PSD3: variants seen among roughly 807,000 people sequenced by gnomAD.
PSD3 encodes pleckstrin and Sec7 domain containing 3.
A neutral mutation model predicts 105.5 loss-of-function variants in PSD3; 49 were observed. The ratio of observed to expected loss-of-function variants is 0.46; its 90% confidence interval spans 0.37 to 0.59. The LOEUF (loss-of-function observed/expected upper bound fraction) is 0.59, where lower values mean the gene tolerates loss of function less well. Among genes scored for constraint, PSD3 ranks in the 20% least tolerant of loss-of-function variants. PSD3 has a pLI of 0.00. For synonymous variants in PSD3, 557 were observed against 457.8 expected, an observed-to-expected ratio of 1.22 and a Z score of -2.77; for missense variants, 1,561 against 1,263.8, an observed-to-expected ratio of 1.24 and a Z score of -3.57.
At chr8:18,990,468 T>C (rs144939775) in intron 1 of PSD3, among the ~76,000 whole-genome samples, 164 of 152,370 alleles carry the variant, frequency 1.1e-3, no homozygotes, top group African/African-American at 3.6e-3. Context: ...ATATGCTTCC[T>C]CTGGCCAGCG....
chr8:18,826,627 A>C (rs1813206924), intron 4 of PSD3, among the ~76,000 whole-genome samples: 1 of 152,222 alleles, frequency 6.6e-6, no homozygotes, highest in South Asian at 2.1e-4. Context: ...CTGATTTTGG[A>C]ACATCTACTG....
intron 1 of PSD3, among the ~76,000 whole-genome samples, chr8:18,950,107 A>G (rs1176361763): frequency 6.6e-6 from 1 of 152,136 alleles, no homozygotes; most frequent in Non-Finnish European, 1.5e-5. Flanking sequence ...CTTTGTCACG[A>G]TACTCATACT....
chr8:19,035,584 G>T (rs1001218563), intron 1 of PSD3, among the ~76,000 whole-genome samples: 17 of 151,832 alleles, frequency 1.1e-4, no homozygotes, highest in African/African-American at 3.4e-4. Context: ...TTCTTGTTAT[G>T]TTGATCAGGC....
At chr8:18,665,695 G>C (rs564275431) in intron 9 of PSD3, among the ~76,000 whole-genome samples, 1 of 152,166 alleles carries the variant, frequency 6.6e-6, no homozygotes, top group Admixed American at 6.5e-5. Context: ...TCATGAAAGA[G>C]TCTACAGCTG....
chr8:18,637,797 T>A (rs969264390), intron 10 of PSD3, among the ~76,000 whole-genome samples: 1 of 152,192 alleles, frequency 6.6e-6, no homozygotes, highest in African/African-American at 2.4e-5. Flanking sequence ...CAGTCTCTCA[T>A]AGATCAGAAT....
intron 8 of PSD3, among the ~76,000 whole-genome samples, chr8:18,797,774 A>C (rs1810316307): frequency 6.6e-6 from 1 of 152,202 alleles, no homozygotes; most frequent in Non-Finnish European, 1.5e-5. Context: ...TTGCAATATT[A>C]CTGAATTTTT....
intron 8 of PSD3, among the ~76,000 whole-genome samples, chr8:18,780,031 C>G (rs1219643831): frequency 6.6e-6 from 1 of 152,132 alleles, no homozygotes; most frequent in East Asian, 1.9e-4. Context: ...TTGAAGACAC[C>G]TAATCTGATT....
intron 10 of PSD3, among the ~76,000 whole-genome samples, chr8:18,641,629 G>A (rs1807649066): frequency 6.6e-6 from 1 of 152,142 alleles, no homozygotes; most frequent in Admixed American, 6.5e-5. Flanking sequence ...ACAAACATTG[G>A]TGTAGCATAA....
In PSD3 at chr8:18,907,371, G is replaced by A. The variant is rs767460717; in HGVS notation, c.130+28663C>T. On this transcript the variant is annotated intron_variant, in intron 2 of 15. Transcript: ENST00000327040. ...TTTATTTTGTAGAGATGGGGGTCTC[G>A]CTGTGTTGCCCAGGCTGGTCTTTGA... 2.6e-5 allele frequency among the ~76,000 whole-genome samples: 4 copies of A among 151,978 alleles called. 1 individual carries two copies. Among genetic ancestry groups the A allele is most frequent in the African/African-American group, 9.7e-5 (4 of 41,370 alleles).
chr8:18,733,385 T>C (rs779062033), intron 9 of PSD3: 3 of 152,456 alleles, frequency 2.0e-5, no homozygotes, highest in Admixed American at 6.5e-5. Flanking sequence ...GGTAATATAG[T>C]AGATCCTGTG....
chr8:18,818,940 C>T (rs1188226347), intron 4 of PSD3, among the ~76,000 whole-genome samples: 1 of 152,068 alleles, frequency 6.6e-6, no homozygotes, highest in Non-Finnish European at 1.5e-5. Context: ...GGTAAACAAG[C>T]AGAATTCAGG....
chr8:18,539,877 A>T (rs1028040596), intron 15 of PSD3, among the ~76,000 whole-genome samples: 11 of 152,164 alleles, frequency 7.2e-5, no homozygotes, highest in African/African-American at 2.7e-4. Flanking sequence ...TTGACACACC[A>T]GCTCAGAGAC....
At chr8:18,610,339 T>TG (rs1008568809) in intron 11 of PSD3, among the ~76,000 whole-genome samples, 3 of 152,148 alleles carry the variant, frequency 2.0e-5, no homozygotes, top group African/African-American at 7.2e-5. Flanking sequence ...CCAATCCCAG[T>TG]GGTTGTACTT....
intron 2 of PSD3, among the ~76,000 whole-genome samples, chr8:18,914,928 T>A (rs1314853025): frequency 1.3e-5 from 2 of 152,128 alleles, no homozygotes; most frequent in Non-Finnish European, 2.9e-5. Context: ...GCTGGAGGCA[T>A]CACGTTACTT....
At chr8:18,738,038 C>A (rs1467150435) in intron 9 of PSD3, among the ~76,000 whole-genome samples, 1 of 152,096 alleles carries the variant, frequency 6.6e-6, no homozygotes, top group Non-Finnish European at 1.5e-5. Flanking sequence ...AAGTCTTAAT[C>A]AGTGTGAAAT....
At chr8:19,006,753 C>T (rs1826700341) in intron 1 of PSD3, among the ~76,000 whole-genome samples, 2 of 152,060 alleles carry the variant, frequency 1.3e-5, no homozygotes, top group Non-Finnish European at 1.5e-5. Context: ...CAGCACAATC[C>T]TTGCCAATAC....
chr8:18,560,884 T>C (rs530402323), intron 14 of PSD3, among the ~76,000 whole-genome samples: 139 of 152,320 alleles, frequency 9.1e-4, no homozygotes, highest in Non-Finnish European at 1.1e-3. Context: ...TGGAAAGTGA[T>C]TGAGTCCCTC....
intron 11 of PSD3, among the ~76,000 whole-genome samples, chr8:18,623,108 C>G (rs1392673335): frequency 6.6e-6 from 1 of 152,070 alleles, no homozygotes; most frequent in Non-Finnish European, 1.5e-5. Context: ...TGGTCTTGAA[C>G]TCCTAGATTC....
chr8:18,887,657 T>C (rs1311420214), intron 2 of PSD3, among the ~76,000 whole-genome samples: 3 of 152,190 alleles, frequency 2.0e-5, no homozygotes, highest in South Asian at 2.1e-4. Context: ...AACATGAAGA[T>C]TCCAATCTTC....
Sources: gnomAD v4.1 joint callset for allele counts (sites outside exome capture counted in the v4.1 genomes callset) on GRCh38, gnomAD v4.1.1 for gene constraint, MANE v1.5 for transcripts, NCBI Gene and HGNC (gene_info 2026-07-23, HGNC 2026-07-21) for gene names.